Variants in ST18 observed in about 807,000 individuals in gnomAD.
The protein encoded by ST18 is ST18 C2H2C-type zinc finger transcription factor.
Under a neutral mutation model 110.0 loss-of-function variants are expected in ST18, and 50 were observed. The ratio of observed to expected loss-of-function variants is 0.45; its 90% CI spans 0.36 to 0.58. ST18 has a LOEUF of 0.58. Ranked by LOEUF, ST18 falls within the 20% of genes least tolerant of loss-of-function variation. ST18 has a pLI of 0.00. For synonymous variants in ST18, 461 were observed against 452.4 expected, an observed-to-expected ratio of 1.02 and a Z score of -0.24; for missense variants, 1,306 against 1,280.1, an observed-to-expected ratio of 1.02 and a Z score of -0.31.
chr8:52,287,821 C>A (rs1479047198), intron 2 of ST18, among the ~76,000 whole-genome samples: 1 of 152,166 alleles, frequency 6.6e-6, no homozygotes, highest in Admixed American at 6.5e-5. Context: ...AGCTAGTGGG[C>A]TGAGATTCCC....
chr8:52,225,831 A>C (rs1564172732), intron 3 of ST18, among the ~76,000 whole-genome samples: 1 of 152,204 alleles, frequency 6.6e-6, no homozygotes, highest in Non-Finnish European at 1.5e-5. Flanking sequence ...TATAGATGAA[A>C]CATAAGCTAT....
chr8:52,280,057 G>C (rs910779457), intron 2 of ST18, among the ~76,000 whole-genome samples: 1 of 152,110 alleles, frequency 6.6e-6, no homozygotes, highest in Non-Finnish European at 1.5e-5. Flanking sequence ...GGTTTGAGTT[G>C]AAGAAGCCCA....
At chr8:52,286,337 T>C (rs1463731112) in intron 2 of ST18, among the ~76,000 whole-genome samples, 2 of 152,166 alleles carry the variant, frequency 1.3e-5, no homozygotes, top group Non-Finnish European at 2.9e-5. Context: ...TAAGAAATAA[T>C]AGCATTGAAG....
intron 2 of ST18, among the ~76,000 whole-genome samples, chr8:52,303,605 A>G (rs1253053736): frequency 6.6e-6 from 1 of 152,218 alleles, no homozygotes; most frequent in African/African-American, 2.4e-5. Flanking sequence ...CTTACACAAC[A>G]TTTGATAAGC....
chr8:52,355,643 T>C (rs1216854435), intron 2 of ST18, among the ~76,000 whole-genome samples: 1 of 152,118 alleles, frequency 6.6e-6, no homozygotes, highest in African/African-American at 2.4e-5. Context: ...GTGATAGGTG[T>C]GGTAATAAAA....
intron 12 of ST18, among the ~76,000 whole-genome samples, chr8:52,164,502 G>A (rs1168060668): frequency 6.6e-6 from 1 of 152,162 alleles, no homozygotes; most frequent in East Asian, 1.9e-4. Context: ...GAAATTCAAA[G>A]TGCAGAATGT....
At chr8:52,166,761 A>G in intron 11 of ST18, 91 bp downstream of exon 11, 2 of 1,373,970 alleles carry the variant, frequency 1.5e-6, no homozygotes, top group African/African-American at 1.5e-5. Flanking sequence ...GTTTGTTTCC[A>G]TTCCTAATTC....
chr8:52,310,643 A>G (rs2095889587), intron 2 of ST18, among the ~76,000 whole-genome samples: 2 of 152,136 alleles, frequency 1.3e-5, no homozygotes, highest in South Asian at 4.1e-4. Flanking sequence ...TACTCTAGTG[A>G]TCATGAATGG....
intron 2 of ST18, among the ~76,000 whole-genome samples, chr8:52,305,185 G>A (rs1273251908): frequency 3.9e-5 from 6 of 152,180 alleles, no homozygotes; most frequent in Non-Finnish European, 1.5e-5. Flanking sequence ...ATGTCTATAT[G>A]ATATGGATAG....
In ST18 at chr8:52,158,915, G is replaced by C; in HGVS notation, c.1789C>G (p.Gln597Glu). Residue 597 changes from glutamine to glutamate, a missense_variant, in exon 15 of 26, where the codon CAG (glutamine) becomes GAG (glutamate). Gln to Glu is a conservative substitution (Grantham distance 29). Coordinates refer to ENST00000689386, the MANE Select transcript of ST18 (RefSeq NM_001352837.2). ...TGGCCTACCTTGGCATGCAGACTCT[G>C]TGGCTTGTTGGAGAGGATGTCTGTG... ...EATDILSNKP[Q>E]SLHAKGAEIE... The C allele has an allele frequency of 6.2e-7, 1 of 1,614,030 alleles. No homozygotes were observed. Among genetic ancestry groups the C allele is most frequent in the Non-Finnish European group, 8.5e-7 (1 of 1,179,900 alleles).
chr8:52,328,370 T>C (rs1414213119), intron 2 of ST18, among the ~76,000 whole-genome samples: 1 of 152,210 alleles, frequency 6.6e-6, no homozygotes, highest in Non-Finnish European at 1.5e-5. Flanking sequence ...TTAGACACAG[T>C]AGTGGCTCAA....
At chr8:52,125,932 T>G in intron 23 of ST18, 120 bp downstream of exon 23, 1 of 795,236 alleles carries the variant, frequency 1.3e-6, no homozygotes, top group Non-Finnish European at 2.0e-6. Context: ...GAGGAAACCT[T>G]TCTTCTTGTA....
Position 52,135,838 on chromosome 8 carries a change from A to C in ST18, c.2300+752T>G, listed in dbSNP as rs529994872. Reference sequence around the variant, plus strand: ...CATGTGTTTTAGACACCAAACGCTGATGCTGCTGTCTACGCATATTGTTTT... The same window carrying C: ...CATGTGTTTTAGACACCAAACGCTGCTGCTGCTGTCTACGCATATTGTTTT... On this transcript the variant is annotated intron_variant, in intron 19 of 25. Transcript: ENST00000689386. Among the ~76,000 whole-genome samples the C allele has an allele frequency of 3.3e-5, 5 of 152,252 alleles. No homozygotes were observed. The East Asian group carries it at 9.6e-4, about 29-fold the overall frequency.
chr8:52,335,420 T>C (rs747661871), intron 2 of ST18, among the ~76,000 whole-genome samples: 26 of 152,164 alleles, frequency 1.7e-4, no homozygotes, highest in Non-Finnish European at 3.2e-4. Flanking sequence ...TTATCCAAAA[T>C]GGTTGGGACC....
At chr8:52,322,486 C>T (rs1392182425) in intron 2 of ST18, among the ~76,000 whole-genome samples, 1 of 152,190 alleles carries the variant, frequency 6.6e-6, no homozygotes, top group Non-Finnish European at 1.5e-5. Context: ...CAGAACAACT[C>T]TAATCAAATA....
chr8:52,366,146 C>T (rs532831050), intron 2 of ST18, among the ~76,000 whole-genome samples: 36 of 152,174 alleles, frequency 2.4e-4, no homozygotes, highest in South Asian at 1.0e-3. Flanking sequence ...AACCCAGGAA[C>T]GCAGTCTCAG....
At chr8:52,249,126 C>G (rs577393749) in intron 2 of ST18, among the ~76,000 whole-genome samples, 134 of 152,302 alleles carry the variant, frequency 8.8e-4, no homozygotes, top group African/African-American at 3.1e-3. Flanking sequence ...TTCAAGTTCA[C>G]TCGCATTTTG....
At chr8:52,219,310 T>C (rs543503382) in intron 5 of ST18, among the ~76,000 whole-genome samples, 96 of 152,312 alleles carry the variant, frequency 6.3e-4, no homozygotes, top group African/African-American at 2.1e-3. Flanking sequence ...CCTTTCCTCT[T>C]ATTTTTCTAG....
intron 10 of ST18, among the ~76,000 whole-genome samples, chr8:52,169,140 C>T (rs1457772170): frequency 6.6e-6 from 1 of 152,082 alleles, no homozygotes; most frequent in East Asian, 1.9e-4. Context: ...TCTGTAAGTC[C>T]CTCCTCTGCT....
Sources: allele counts gnomAD v4.1 joint callset (sites outside exome capture counted in the v4.1 genomes callset), GRCh38; gene constraint gnomAD v4.1.1; transcripts MANE v1.5; gene names NCBI Gene and HGNC (gene_info 2026-07-23, HGNC 2026-07-21).